ACTR3C: variants seen among roughly 807,000 people sequenced by gnomAD.
The protein encoded by ACTR3C is actin-related protein 3C.
ACTR3C carries 18 observed loss-of-function variants against 26.3 expected under a neutral mutation model. That is an observed-to-expected ratio of 0.68 (90% CI 0.47 to 1.01). The LOEUF is 1.01. ACTR3C is among the 50% of genes least tolerant of loss of function. The pLI is 0.00. For missense variants in ACTR3C, 184 were observed against 250.7 expected (o/e 0.73, Z 1.80); for synonymous variants, 55 against 94.5 (o/e 0.58, Z 2.42).
chr7:149,953,027 G>A, the ACTR3C span, among the ~76,000 whole-genome samples: 1 of 151,454 alleles, frequency 6.6e-6, no homozygotes, highest in African/African-American at 2.4e-5. Flanking sequence ...CGGCACAAAG[G>A]TATATGTGCT....
At chr7:150,183,989 G>A in the ACTR3C span, among the ~76,000 whole-genome samples, 12 of 150,674 alleles carry the variant, frequency 8.0e-5, no homozygotes, top group East Asian at 1.9e-4. Flanking sequence ...GGTGTCTTCC[G>A]CCATAATTGT....
At chr7:149,992,071 G>GCA in the ACTR3C span, among the ~76,000 whole-genome samples, 1 of 148,892 alleles carries the variant, frequency 6.7e-6, no homozygotes, top group Non-Finnish European at 1.5e-5. Flanking sequence ...TGTTATGTAA[G>GCA]CACACACACA....
At chr7:149,906,591 C>T in the ACTR3C span, among the ~76,000 whole-genome samples, 15 of 151,128 alleles carry the variant, frequency 9.9e-5, no homozygotes, top group African/African-American at 2.2e-4. Context: ...GCCACCATCC[C>T]GGGTTAATTT....
the ACTR3C span, among the ~76,000 whole-genome samples, chr7:150,093,091 C>T: frequency 6.6e-6 from 1 of 151,382 alleles, no homozygotes; most frequent in East Asian, 1.9e-4. Flanking sequence ...TAAGTACTTG[C>T]GGCCTCATCT....
At chr7:150,028,104 T>G in the ACTR3C span, among the ~76,000 whole-genome samples, 1 of 152,312 alleles carries the variant, frequency 6.6e-6, no homozygotes, top group African/African-American at 2.4e-5. Flanking sequence ...TTATATTTTA[T>G]TTCTAAGTCG....
At chr7:150,064,949 A>T in the ACTR3C span, among the ~76,000 whole-genome samples, 1 of 152,200 alleles carries the variant, frequency 6.6e-6, no homozygotes, top group Non-Finnish European at 1.5e-5. Flanking sequence ...TGTGGATGAG[A>T]CAAGATTTTA....
chr7:149,993,829 A>G, the ACTR3C span, among the ~76,000 whole-genome samples: 148,971 of 152,284 alleles, frequency 0.98, 72,912 homozygotes, highest in East Asian at 1. Flanking sequence ...CAGAATGGGG[A>G]TATTACCCCA....
the ACTR3C span, among the ~76,000 whole-genome samples, chr7:150,058,067 C>T: frequency 1.3e-5 from 2 of 152,162 alleles, no homozygotes; most frequent in Non-Finnish European, 2.9e-5. Flanking sequence ...ATAATGTCAC[C>T]TTATCATTTC....
chr7:150,182,332 G>A, the ACTR3C span, among the ~76,000 whole-genome samples: 15 of 150,966 alleles, frequency 9.9e-5, no homozygotes, highest in Admixed American at 4.6e-4. Context: ...AATTAGCTAA[G>A]TGCTACAAAA....
intron 1 of ACTR3C, among the ~76,000 whole-genome samples, chr7:150,319,529 T>C (rs1797280831): frequency 6.6e-6 from 1 of 152,222 alleles, no homozygotes; most frequent in Non-Finnish European, 1.5e-5. Flanking sequence ...CTTAAGGGTC[T>C]GTCTAGCTCT....
At chr7:150,231,871 T>C in the ACTR3C span, among the ~76,000 whole-genome samples, 5 of 152,122 alleles carry the variant, frequency 3.3e-5, no homozygotes, top group Admixed American at 6.6e-5. Flanking sequence ...ATTATATAAA[T>C]GTCAATTATA....
the ACTR3C span, among the ~76,000 whole-genome samples, chr7:150,152,743 A>G: frequency 6.6e-6 from 1 of 152,162 alleles, no homozygotes; most frequent in African/African-American, 2.4e-5. Context: ...CCTCTGGTAG[A>G]ATTCAGCTGT....
the ACTR3C span, among the ~76,000 whole-genome samples, chr7:149,975,039 G>A: frequency 6.6e-6 from 1 of 152,166 alleles, no homozygotes; most frequent in Non-Finnish European, 1.5e-5. Context: ...ACCTACATTA[G>A]AAGCGAGGTA....
chr7:150,197,314 C>T, the ACTR3C span, among the ~76,000 whole-genome samples: 1 of 152,250 alleles, frequency 6.6e-6, no homozygotes, highest in African/African-American at 2.4e-5. Flanking sequence ...CCAACCCACA[C>T]TTGACCTCTA....
chr7:150,034,013 G>T, the ACTR3C span, among the ~76,000 whole-genome samples: 1 of 150,236 alleles, frequency 6.7e-6, no homozygotes, highest in Non-Finnish European at 1.5e-5. Flanking sequence ...GCCCCCCTGC[G>T]ATGGTGGTCC....
At chr7:150,046,256 A>G in the ACTR3C span, among the ~76,000 whole-genome samples, 1 of 151,088 alleles carries the variant, frequency 6.6e-6, no homozygotes, top group South Asian at 2.1e-4. Context: ...TTCATAAAAC[A>G]AAAACTACCA....
chr7:149,908,194 C>T, the ACTR3C span, among the ~76,000 whole-genome samples: 4,064 of 152,228 alleles, frequency 0.027, 212 homozygotes, highest in African/African-American at 0.093. Flanking sequence ...AGAGGCCTCA[C>T]GGGAAACCAA....
chr7:149,906,520 C>T, the ACTR3C span, among the ~76,000 whole-genome samples: 114 of 139,850 alleles, frequency 8.2e-4, 2 homozygotes, highest in South Asian at 9.8e-4. Flanking sequence ...CAACCTCCAC[C>T]TCCCGGATTC....
chr7:150,139,905 C>A, the ACTR3C span, among the ~76,000 whole-genome samples: 1 of 152,190 alleles, frequency 6.6e-6, no homozygotes, highest in African/African-American at 2.4e-5. Context: ...AGTGACACAG[C>A]AGGGGAGCAA....
Sources: gnomAD v4.1 joint callset for allele counts (sites outside exome capture counted in the v4.1 genomes callset) on GRCh38, gnomAD v4.1.1 for gene constraint, MANE v1.5 for transcripts, NCBI Gene and HGNC (gene_info 2026-07-23, HGNC 2026-07-21) for gene names.